ZNF577: variants seen among roughly 807,000 people sequenced by gnomAD.
The protein encoded by ZNF577 is zinc finger protein 577.
In ZNF577, 14 loss-of-function variants were observed where a neutral mutation model predicts 13.9. That is an observed-to-expected ratio of 1.00 (90% CI 0.66 to 1.57). The LOEUF is 1.57. Ranked by LOEUF, ZNF577 falls within the 40% of genes most tolerant of loss-of-function variation. The pLI is 0.00. For synonymous variants in ZNF577, 203 were observed against 202.9 expected (o/e 1.00, Z 0.00); for missense variants, 555 against 579.2 (o/e 0.96, Z 0.43).
At position 51,824,903 on chromosome 19, in the gene ZNF577, C is replaced by T; in HGVS notation, c.*600-13229G>A. ...GTGTTTTTCTTCCTCTTTCATACCA[C>T]CACCACCACAATCATCAACATAAAG... is the stretch of plus-strand genomic sequence containing the variant. On this transcript the variant is annotated intron_variant and NMD_transcript_variant, in intron 9 of 10. Coordinates refer to the ZNF577 transcript ENST00000638827. The surrounding 1 kb of genome is among the most constrained non-coding windows in gnomAD (Gnocchi z 4.7). The T allele has an allele frequency of 1.1e-6, 1 of 941,116 alleles. No individual in the cohort carries two copies. The highest frequency in any genetic ancestry group is 1.6e-6 in the Non-Finnish European group (1 of 630,328). The allele number at this position is 941,116 out of a possible 1,614,324, so 58.3% of individuals were successfully genotyped here. A position where few individuals can be genotyped will look rare whatever the true frequency, so the allele number is the denominator to read the frequency against.
At chr19:51,866,089 T>C (rs2084560359), downstream of ZNF577, among the ~76,000 whole-genome samples, 1 of 150,988 alleles carries the variant, frequency 6.6e-6, no homozygotes, top group African/African-American at 2.4e-5. Context: ...CACTCCAGCC[T>C]GGCGACAGAG....
intron 4 of ZNF577, 46 bp downstream of exon 4, chr19:51,878,343 C>T (rs907921348): frequency 1.1e-5 from 17 of 1,602,050 alleles, no homozygotes; most frequent in Non-Finnish European, 1.3e-5. Context: ...GTACAGTGGT[C>T]ACCAAATAAG....
intron 9 of ZNF577, among the ~76,000 whole-genome samples, chr19:51,829,057 A>G (rs2122512569): frequency 6.6e-6 from 1 of 152,266 alleles, no homozygotes. Context: ...TCTGGCCTGT[A>G]CTGGGTATAA....
intron 9 of ZNF577, among the ~76,000 whole-genome samples, chr19:51,814,370 G>A (rs1260621550): frequency 6.6e-6 from 1 of 152,232 alleles, no homozygotes; most frequent in Non-Finnish European, 1.5e-5. Flanking sequence ...GAGCTGCGTT[G>A]CAGGTCCCAC....
At chr19:51,857,383 A>G (rs1340934705) in intron 5 of ZNF577, among the ~76,000 whole-genome samples, 1 of 116,760 alleles carries the variant, frequency 8.6e-6, no homozygotes, top group Non-Finnish European at 1.7e-5. Context: ...AGAAAGAAAG[A>G]AAGAAAGAAA....
intron 5 of ZNF577, 138 bp from the exon 6 acceptor site, chr19:51,873,844 T>C (rs2084709448): frequency 1.7e-5 from 13 of 781,656 alleles, no homozygotes; most frequent in Middle Eastern, 3.8e-4. Context: ...TTTAAGCTCA[T>C]TTTGGTTTTC....
At chr19:51,866,992 G>GAA (rs971925958), downstream of ZNF577, among the ~76,000 whole-genome samples, 1 of 130,070 alleles carries the variant, frequency 7.7e-6, no homozygotes, top group African/African-American at 3.5e-5. Flanking sequence ...GAGAGAGAGA[G>GAA]AAAAGGAAGA....
chr19:51,832,786 G>A (rs969822935), intron 9 of ZNF577, among the ~76,000 whole-genome samples: 2 of 151,254 alleles, frequency 1.3e-5, no homozygotes, highest in African/African-American at 4.9e-5. Flanking sequence ...AGTATCATTT[G>A]TTGAAAATAA....
chr19:51,839,154 C>T (rs974264437), intron 9 of ZNF577, among the ~76,000 whole-genome samples: 2 of 152,174 alleles, frequency 1.3e-5, no homozygotes, highest in African/African-American at 2.4e-5. Context: ...AATACCTTGC[C>T]CAAAGTCATG....
intron 9 of ZNF577, chr19:51,823,702 T>C: frequency 1.4e-6 from 2 of 1,460,224 alleles, no homozygotes; most frequent in Middle Eastern, 1.9e-4. Flanking sequence ...TAAGATGGTG[T>C]CACAGCTGAG....
At chr19:51,862,392 T>C (rs1026914226), downstream of ZNF577, 1 of 152,842 alleles carries the variant, frequency 6.5e-6, no homozygotes, top group Non-Finnish European at 1.5e-5. Flanking sequence ...ATTCACTGCA[T>C]CCATAGGGTC....
At chr19:51,828,682 A>G (rs1253407444) in intron 9 of ZNF577, among the ~76,000 whole-genome samples, 1 of 152,180 alleles carries the variant, frequency 6.6e-6, no homozygotes, top group Non-Finnish European at 1.5e-5. Flanking sequence ...TACCACAAAG[A>G]AATACTTCCC....
intron 9 of ZNF577, among the ~76,000 whole-genome samples, chr19:51,813,540 C>T (rs1309621572): frequency 6.6e-6 from 1 of 151,218 alleles, no homozygotes; most frequent in Non-Finnish European, 1.5e-5. Flanking sequence ...GGATGTTTTC[C>T]TTTTTTTTGA....
rs1361000337 is a variant in ZNF577 at position 51,873,381 on chromosome 19, C to T, written c.609G>A (p.Glu203=). Residue 203 remains glutamate (E), a synonymous_variant, in exon 6 of 6, where the codon GAG becomes GAA. Coordinates refer to ENST00000638348, the MANE Select transcript of ZNF577 (RefSeq NM_001370449.1). ...KTFMRKIQLT[E]HQRTHTGEKP... is the part of the protein sequence containing the mutation. The stretch of plus-strand genomic sequence containing the variant: ...TCTCTCCTGTGTGAGTTCTCTGATG[C>T]TCAGTGAGCTGAATCTTCCTCATGA... 1.2e-6 allele frequency: 2 copies of T among 1,614,206 alleles called. No individual in the cohort carries two copies. The highest frequency in any genetic ancestry group is 2.2e-5 in the East Asian group (1 of 44,880).
At chr19:51,812,792 A>G (rs1454968080) in intron 9 of ZNF577, among the ~76,000 whole-genome samples, 1 of 152,218 alleles carries the variant, frequency 6.6e-6, no homozygotes, top group African/African-American at 2.4e-5. Flanking sequence ...TCAAGGTACT[A>G]TAACAAAATT....
intron 5 of ZNF577, among the ~76,000 whole-genome samples, chr19:51,846,428 C>T (rs2084351999): frequency 6.6e-6 from 1 of 152,098 alleles, no homozygotes; most frequent in Non-Finnish European, 1.5e-5. Flanking sequence ...GAGATATTGG[C>T]TGGGTGCCAT....
Position 51,851,554 on chromosome 19 carries a change from C to T in ZNF577, c.284-6623G>A, listed in dbSNP as rs150339889. Among the ~76,000 whole-genome samples the T allele has an allele frequency of 3.2e-4, 48 of 152,268 alleles. 1 individual carries two copies. Among genetic ancestry groups the T allele is most frequent in the African/African-American group, 1.1e-3 (47 of 41,546 alleles). On this transcript the variant is annotated intron_variant and NMD_transcript_variant, in intron 5 of 10. Transcript: ENST00000638827. ...TCTCCTGAGTCCTAACTACTAAGCT[C>T]ATCAGCCATCTCCTAGCACTGACAC...
intron 9 of ZNF577, chr19:51,817,582 T>C (rs1005289535): frequency 6.6e-6 from 1 of 152,130 alleles, no homozygotes; most frequent in Non-Finnish European, 1.5e-5. Flanking sequence ...GAAATGACCA[T>C]TCAGCTTTTT....
chr19:51,857,473 G>A lies in ZNF577; in HGVS notation c.284-12542C>T, dbSNP rs537998465. Among the ~76,000 whole-genome samples, 4 of 152,286 alleles carry A rather than the reference G, an allele frequency of 2.6e-5. No individual in the cohort carries two copies. In the South Asian group the frequency reaches 8.3e-4, roughly 32 times the overall value. On this transcript the variant is annotated intron_variant and NMD_transcript_variant, in intron 5 of 10. Transcript: ENST00000638827. ...AAGGAGAAGAAATGTGTATTTTGCA[G>A]TAGATGTTTCAGGATTTTTAGAAGA...
Sources: gnomAD v4.1 joint callset for allele counts (sites outside exome capture counted in the v4.1 genomes callset) on GRCh38, gnomAD v4.1.1 for gene constraint, Gnocchi (gnomAD v3.1) non-coding constraint, MANE v1.5 for transcripts, NCBI Gene and HGNC (gene_info 2026-07-23, HGNC 2026-07-21) for gene names.